The following CACNG4 variants were observed in gnomAD, a reference collection of about 807,000 sequenced individuals.
CACNG4 encodes the protein voltage-dependent calcium channel gamma-4 subunit.
A neutral mutation model predicts 22.9 loss-of-function variants in CACNG4; 8 were observed. The observed-to-expected ratio is 0.35, with a 90% CI of 0.21 to 0.63. The LOEUF (loss-of-function observed/expected upper bound fraction) is 0.63, where lower values mean the gene tolerates loss of function less well. CACNG4 is among the 30% of genes least tolerant of loss of function. The pLI, the probability that CACNG4 is intolerant of heterozygous loss-of-function variation, is 0.72. For missense variants in CACNG4, 357 were observed against 455.4 expected (o/e 0.78, Z 1.97); for synonymous variants, 188 against 191.9 (o/e 0.98, Z 0.17).
chr17:67,014,365 G>A (rs2035484741), intron 1 of CACNG4, among the ~76,000 whole-genome samples: 1 of 152,188 alleles, frequency 6.6e-6, no homozygotes, highest in Admixed American at 6.5e-5. Context: ...TAAATGTGAA[G>A]TCCTTAGCGC....
At chr17:66,965,594 G>C (rs1481329719) in intron 1 of CACNG4, among the ~76,000 whole-genome samples, 1 of 150,494 alleles carries the variant, frequency 6.6e-6, no homozygotes, top group Non-Finnish European at 1.5e-5. Context: ...GGCAACCGGT[G>C]TCTGTGCTAT....
At chr17:66,986,224 T>C (rs1251887967) in intron 1 of CACNG4, among the ~76,000 whole-genome samples, 1 of 152,200 alleles carries the variant, frequency 6.6e-6, no homozygotes, top group Non-Finnish European at 1.5e-5. Context: ...CGCTCCATCA[T>C]ACCTGCTTAG....
Position 67,018,890 on chromosome 17 carries a change from A to C in CACNG4, c.304+618A>C, listed in dbSNP as rs148256332. On this transcript the variant is annotated intron_variant, in intron 2 of 3. Coordinates refer to ENST00000262138, the MANE Select transcript of CACNG4 (RefSeq NM_014405.4). ...ACCTGCTCCTGGGTCCAGTGACTGC[A>C]TGTGGCCCGCAGACTGAAGCCCGGA... Among the ~76,000 whole-genome samples, 250 of 152,208 alleles carry C rather than the reference A, an allele frequency of 1.6e-3. 4 individuals are homozygous for C. Among genetic ancestry groups the C allele is most frequent in the Admixed American group, 0.013 (206 of 15,304 alleles).
chr17:67,032,659 G>A lies in CACNG4; in HGVS notation c.*1655G>A, dbSNP rs998507395. ...CAGCTGACTGTCGCCGTGTGCTGGG[G>A]ATCTGAAATGAGGCCTGCCAGGGCC... is the stretch of plus-strand genomic sequence containing the variant. On this transcript the variant is annotated 3_prime_UTR_variant, in exon 4 of 4. Coordinates refer to ENST00000262138, the MANE Select transcript of CACNG4 (RefSeq NM_014405.4). The A allele has an allele frequency of 1.3e-5, 2 of 154,676 alleles. No individual in the cohort carries two copies. The highest frequency in any genetic ancestry group is 4.8e-5 in the African/African-American group (2 of 41,472). 9.6% of individuals were successfully genotyped at this position (154,676 alleles called of 1,614,324 possible). A position where few individuals can be genotyped will look rare whatever the true frequency, so the allele number is the denominator to read the frequency against.
At chr17:67,026,522 AGGACTGTGGGGTGTGTATGTATTTGAGG>A (rs1330370493) in intron 3 of CACNG4, among the ~76,000 whole-genome samples, 1 of 106,614 alleles carries the variant, frequency 9.4e-6, no homozygotes, top group Non-Finnish European at 1.8e-5. Context: ...TGTGTATTTG[AGGACTGTGGGGTGTGTATGTATTTGAGG>A]ACTGTGGTGT....
At chr17:67,013,337 G>A (rs974636375) in intron 1 of CACNG4, among the ~76,000 whole-genome samples, 1 of 152,094 alleles carries the variant, frequency 6.6e-6, no homozygotes, top group Non-Finnish European at 1.5e-5. Flanking sequence ...AAAGAATCTG[G>A]TCTCTTTTCT....
chr17:67,028,489 CT>C (rs1163053074), intron 3 of CACNG4, among the ~76,000 whole-genome samples: 1 of 151,428 alleles, frequency 6.6e-6, no homozygotes, highest in African/African-American at 2.4e-5. Context: ...GGAGGCGGAG[CT>C]TGCAGTGAGC....
intron 1 of CACNG4, among the ~76,000 whole-genome samples, chr17:66,972,481 A>T (rs2035210613): frequency 6.6e-6 from 1 of 152,206 alleles, no homozygotes; most frequent in African/African-American, 2.4e-5. Flanking sequence ...ATGGGCTCAG[A>T]CTTTGCATAT....
intron 1 of CACNG4, among the ~76,000 whole-genome samples, chr17:66,999,220 C>T (rs765987917): frequency 7.2e-5 from 11 of 152,114 alleles, no homozygotes; most frequent in Admixed American, 1.3e-4. Flanking sequence ...GTACATAGAA[C>T]GGCGATGACC....
At chr17:67,000,217 G>A (rs2035399865) in intron 1 of CACNG4, among the ~76,000 whole-genome samples, 1 of 152,056 alleles carries the variant, frequency 6.6e-6, no homozygotes, top group African/African-American at 2.4e-5. Flanking sequence ...CTGGAGTATA[G>A]CTTCCCATTA....
At chr17:66,965,566 G>T (rs1345870997) in intron 1 of CACNG4, among the ~76,000 whole-genome samples, 1 of 150,458 alleles carries the variant, frequency 6.6e-6, no homozygotes, top group Non-Finnish European at 1.5e-5. Context: ...GCGGACGGGA[G>T]GGGGGGAGGG....
chr17:66,977,181 C>T (rs1455388753), intron 1 of CACNG4, among the ~76,000 whole-genome samples: 1 of 152,212 alleles, frequency 6.6e-6, no homozygotes, highest in Non-Finnish European at 1.5e-5. Context: ...GCTCTCCACA[C>T]ACAGCCAGAA....
Position 67,030,373 on chromosome 17 carries a change from C to T in CACNG4, c.446-93C>T, listed in dbSNP as rs2035595441. On this transcript the variant is annotated intron_variant, in intron 3 of 3. Coordinates refer to ENST00000262138, the MANE Select transcript of CACNG4 (RefSeq NM_014405.4). The surrounding 1 kb of genome is among the most constrained non-coding windows in gnomAD (Gnocchi z 6.4). ...AATACTCATCAGAGAGGGGAGTGTC[C>T]ACCTGTTCCCTACACTGCCCGTCCC... The T allele has an allele frequency of 9.6e-7, 1 of 1,036,680 alleles. No homozygotes were observed. Among genetic ancestry groups the T allele is most frequent in the African/African-American group, 1.6e-5 (1 of 62,634 alleles). 64.2% of individuals were successfully genotyped at this position (1,036,680 alleles called of 1,614,324 possible).
Position 66,965,027 on chromosome 17 carries a change from A to T in CACNG4, c.116A>T (p.His39Leu), listed in dbSNP as rs760174920. Reference protein sequence around the residue: ...GTDYWLYSSAHICNGTNLTMD... With the variant: ...GTDYWLYSSALICNGTNLTMD... ...GACTACTGGCTGTACTCCAGCGCGC[A>T]CATCTGCAACGGCACCAACCTGACC... Residue 39 changes from histidine (H) to leucine (L), a missense_variant, in exon 1 of 4, where the codon CAC (histidine) becomes CTC (leucine). This residue lies in a region of CACNG4 where 114 missense variants were observed against 161.6 expected (regional missense o/e 0.71). Transcript: ENST00000262138. 6.2e-7 allele frequency: 1 copy of T among 1,610,788 alleles called. No homozygotes were observed. Among genetic ancestry groups the T allele is most frequent in the Non-Finnish European group, 8.5e-7 (1 of 1,179,124 alleles).
At chr17:66,999,770 G>A (rs1226933190) in intron 1 of CACNG4, among the ~76,000 whole-genome samples, 1 of 152,154 alleles carries the variant, frequency 6.6e-6, no homozygotes, top group African/African-American at 2.4e-5. Context: ...AATACAATCC[G>A]AGATGAGATT....
At chr17:67,025,695 A>G (rs989485340) in intron 3 of CACNG4, among the ~76,000 whole-genome samples, 2 of 152,256 alleles carry the variant, frequency 1.3e-5, no homozygotes, top group Non-Finnish European at 2.9e-5. Flanking sequence ...TGACAGTGAC[A>G]TGCCACCTTG....
At position 67,031,054 on chromosome 17, in the gene CACNG4, T is replaced by C. The variant is rs1301150132; in HGVS notation, c.*50T>C. On this transcript the variant is annotated 3_prime_UTR_variant, in exon 4 of 4. Transcript: ENST00000262138. This position sits in a 1 kb window ranked among gnomAD's most constrained non-coding sequence, Gnocchi z 4.0. ...CAGCCTCTCCCCAGAACGGCTCTTT[T>C]TGTCACACAGGATGGCATGTGATCC... 1.3e-6 allele frequency: 2 copies of C among 1,551,394 alleles called. No homozygotes were observed. Among genetic ancestry groups the C allele is most frequent in the Non-Finnish European group, 1.7e-6 (2 of 1,143,660 alleles).
rs1486598298 is a variant in CACNG4 at position 67,031,111 on chromosome 17, T to C, written c.*107T>C. The C allele has an allele frequency of 7.9e-7, 1 of 1,271,348 alleles. No homozygotes were observed. The highest frequency in any genetic ancestry group is 1.5e-5 in the African/African-American group (1 of 67,174). The allele number at this position is 1,271,348 out of a possible 1,614,324, so 78.8% of individuals were successfully genotyped here. On this transcript the variant is annotated 3_prime_UTR_variant, in exon 4 of 4. Transcript: ENST00000262138. This position sits in a 1 kb window ranked among gnomAD's most constrained non-coding sequence, Gnocchi z 4.0. ...CGACGAACAATGAACTAAAGCCAAA[T>C]GCAGCCCTCCCTGGCCTCCAGAGGT...
intron 1 of CACNG4, among the ~76,000 whole-genome samples, chr17:66,974,177 G>A (rs773790385): frequency 9.2e-5 from 14 of 152,148 alleles, no homozygotes; most frequent in Non-Finnish European, 2.1e-4. Context: ...CCACAGTACC[G>A]ACTGCAGAAG....
Sources: allele counts gnomAD v4.1 joint callset (sites outside exome capture counted in the v4.1 genomes callset), GRCh38; gene constraint gnomAD v4.1.1; regional missense constraint gnomAD v4.1.1; non-coding constraint Gnocchi (gnomAD v3.1); transcripts MANE v1.5; gene names NCBI Gene and HGNC (gene_info 2026-07-23, HGNC 2026-07-21).